The following RIMS2 variants were observed in gnomAD, a reference collection of about 807,000 sequenced individuals.
RIMS2 encodes the protein regulating synaptic membrane exocytosis protein 2.
In RIMS2, 59 loss-of-function variants were observed where a neutral mutation model predicts 174.4. The observed-to-expected ratio is 0.34, with a 90% CI of 0.27 to 0.42. The LOEUF (loss-of-function observed/expected upper bound fraction) is 0.42. Among genes scored for constraint, RIMS2 ranks in the 10% least tolerant of loss-of-function variants. The pLI is 1.00. For synonymous variants in RIMS2, 606 were observed against 572.5 expected, an observed-to-expected ratio of 1.06 and a Z score of -0.84; for missense variants, 1,620 against 1,666.3, an observed-to-expected ratio of 0.97 and a Z score of 0.48.
At chr8:103,576,070 C>G (rs2093209603) in intron 1 of RIMS2, among the ~76,000 whole-genome samples, 1 of 152,110 alleles carries the variant, frequency 6.6e-6, no homozygotes, top group East Asian at 1.9e-4. Flanking sequence ...GCATGGAAAC[C>G]CTGCTATGTA....
At chr8:103,909,622 A>T (rs1022988314) in intron 4 of RIMS2, among the ~76,000 whole-genome samples, 1 of 152,124 alleles carries the variant, frequency 6.6e-6, no homozygotes, top group Non-Finnish European at 1.5e-5. Flanking sequence ...AGGTTTTAGC[A>T]TGATGAAGAA....
chr8:103,531,568 T>G (rs7008515), intron 1 of RIMS2, among the ~76,000 whole-genome samples: 18,851 of 152,152 alleles, frequency 0.12, 1,252 homozygotes, highest in Middle Eastern at 0.22. Context: ...ACAGTGCATA[T>G]CTGATCCACT....
chr8:104,028,984 A>G (rs2096320424), intron 19 of RIMS2, among the ~76,000 whole-genome samples: 1 of 152,222 alleles, frequency 6.6e-6, no homozygotes, highest in South Asian at 2.1e-4. Context: ...ATTATATGCT[A>G]AACAAGAGGT....
At chr8:103,958,977 T>A (rs1473259629) in intron 14 of RIMS2, among the ~76,000 whole-genome samples, 1 of 152,018 alleles carries the variant, frequency 6.6e-6, no homozygotes, top group Non-Finnish European at 1.5e-5. Context: ...AAAAGGAAAA[T>A]CAAAGAAAAC....
At chr8:104,012,814 A>T (rs1478158072) in intron 17 of RIMS2, among the ~76,000 whole-genome samples, 1 of 152,156 alleles carries the variant, frequency 6.6e-6, no homozygotes, top group Admixed American at 6.6e-5. Context: ...TTCAATTAAT[A>T]CCCACTCTGA....
chr8:104,065,724 C>T (rs1338062253), intron 19 of RIMS2, among the ~76,000 whole-genome samples: 3 of 152,094 alleles, frequency 2.0e-5, no homozygotes, highest in Non-Finnish European at 2.9e-5. Flanking sequence ...AGTTTGCTGA[C>T]TGAAATAGTC....
chr8:103,706,538 CA>C (rs1436139711), intron 2 of RIMS2, among the ~76,000 whole-genome samples: 2 of 152,080 alleles, frequency 1.3e-5, no homozygotes, highest in Non-Finnish European at 2.9e-5. Context: ...TTTTCTCCTT[CA>C]TGTTTGAAGG....
chr8:103,913,041 C>T (rs1421900593), intron 6 of RIMS2, among the ~76,000 whole-genome samples: 3 of 142,474 alleles, frequency 2.1e-5, no homozygotes, highest in Non-Finnish European at 3.0e-5. Context: ...GGCATGATCT[C>T]GGGTCACTGC....
intron 1 of RIMS2, among the ~76,000 whole-genome samples, chr8:103,511,956 C>T (rs2131118572): frequency 6.6e-6 from 1 of 152,254 alleles, no homozygotes; most frequent in Non-Finnish European, 1.5e-5. Context: ...TGAGCTGTCT[C>T]AGGCTGTGGC....
intron 12 of RIMS2, 65 bp from the exon 15 acceptor site, chr8:103,936,486 T>TA: frequency 9.1e-7 from 1 of 1,100,594 alleles, no homozygotes; most frequent in Non-Finnish European, 1.3e-6. Context: ...AATTTTAAAT[T>TA]AAAAAATTTT....
At chr8:103,948,709 T>C (rs2084456633) in intron 14 of RIMS2, among the ~76,000 whole-genome samples, 1 of 152,180 alleles carries the variant, frequency 6.6e-6, no homozygotes, top group Admixed American at 6.5e-5. Flanking sequence ...AACAATCTTT[T>C]GGGGGTGAAG....
At chr8:103,507,345 C>A (rs961886432) in intron 1 of RIMS2, among the ~76,000 whole-genome samples, 1 of 152,050 alleles carries the variant, frequency 6.6e-6, no homozygotes, top group Non-Finnish European at 1.5e-5. Flanking sequence ...TATGGTCTGT[C>A]CACTCTGCTA....
intron 3 of RIMS2, among the ~76,000 whole-genome samples, chr8:103,801,804 A>G (rs13252533): frequency 0.13 from 19,910 of 152,160 alleles, 1,764 homozygotes; most frequent in Non-Finnish European, 0.2. Context: ...ACTTCACTAG[A>G]TTGTCCACTT....
At chr8:103,637,583 T>G (rs1589486580) in intron 1 of RIMS2, among the ~76,000 whole-genome samples, 1 of 152,214 alleles carries the variant, frequency 6.6e-6, no homozygotes, top group East Asian at 1.9e-4. Context: ...TGTTTTGTTT[T>G]AACTTTTCAT....
At chr8:103,819,197 G>A in intron 3 of RIMS2, 1 of 1,185,282 alleles carries the variant, frequency 8.4e-7, no homozygotes, top group Non-Finnish European at 1.1e-6. Context: ...TATGAGTAGA[G>A]TACATGAAAG....
Position 104,129,085 on chromosome 8 carries a change from T to C in RIMS2, c.3334+114470T>C, listed in dbSNP as rs183544461. Among the ~76,000 whole-genome samples, 69 of 152,186 alleles carry C rather than the reference T, an allele frequency of 4.5e-4. 1 individual carries two copies. Among genetic ancestry groups the C allele is most frequent in the Middle Eastern group, 6.8e-3 (2 of 294 alleles). On this transcript the variant is annotated intron_variant, in intron 19 of 23. Coordinates refer to ENST00000504942, the Ensembl canonical transcript of RIMS2. ...AATTGTTTATATGAAGGGAAAAAAG[T>C]GAGACTTAAGATTTTATGGCCAGGC...
chr8:103,798,013 A>G (rs1195333852), intron 3 of RIMS2, among the ~76,000 whole-genome samples: 2 of 152,166 alleles, frequency 1.3e-5, no homozygotes, highest in Non-Finnish European at 2.9e-5. Flanking sequence ...GTGCTGCCCA[A>G]TGCTTGTTAG....
At chr8:103,873,047 T>C (rs937708360) in intron 3 of RIMS2, among the ~76,000 whole-genome samples, 8 of 152,158 alleles carry the variant, frequency 5.3e-5, no homozygotes, top group Non-Finnish European at 1.0e-4. Flanking sequence ...ATCATGAAGT[T>C]CTGGGTGCAC....
chr8:103,648,809 C>T (rs2096394236), intron 1 of RIMS2, among the ~76,000 whole-genome samples: 1 of 152,104 alleles, frequency 6.6e-6, no homozygotes, highest in Admixed American at 6.5e-5. Flanking sequence ...TTCCTCCATC[C>T]TTTTATTTTG....
Sources: allele counts gnomAD v4.1 joint callset (sites outside exome capture counted in the v4.1 genomes callset), GRCh38; gene constraint gnomAD v4.1.1; transcripts MANE v1.5; gene names NCBI Gene and HGNC (gene_info 2026-07-23, HGNC 2026-07-21).